Variants in GALNT17 observed in about 807,000 individuals in gnomAD.
GALNT17 encodes the protein UDP-GalNAc:polypeptide N-acetylgalactosaminyltransferase-like 3.
A neutral mutation model predicts 63.7 loss-of-function variants in GALNT17; 29 were observed. The ratio of observed to expected loss-of-function variants is 0.46; its 90% confidence interval spans 0.34 to 0.62. GALNT17 has a LOEUF of 0.62. GALNT17 is among the 20% of genes least tolerant of loss of function. The probability of loss-of-function intolerance (pLI) is 0.01; values close to 1 mark genes in which losing one functional copy is unlikely to be tolerated. For missense variants in GALNT17, 603 were observed against 799.6 expected, an observed-to-expected ratio of 0.75 and a Z score of 2.97; for synonymous variants, 305 against 318.3, an observed-to-expected ratio of 0.96 and a Z score of 0.45.
intron 6 of GALNT17, among the ~76,000 whole-genome samples, chr7:71,616,748 ATTATAT>A (rs369129398): frequency 0.11 from 11,030 of 103,886 alleles, 522 homozygotes; most frequent in African/African-American, 0.15. Context: ...TACATTATAT[ATTATAT>A]TTATATGTTA....
chr7:71,274,451 A>T (rs1222127659), intron 1 of GALNT17, among the ~76,000 whole-genome samples: 3 of 151,988 alleles, frequency 2.0e-5, no homozygotes, highest in East Asian at 3.9e-4. Flanking sequence ...GGCCAATTTT[A>T]AAATTTTTTG....
intron 1 of GALNT17, among the ~76,000 whole-genome samples, chr7:71,141,352 G>A (rs1040523907): frequency 1.3e-5 from 2 of 151,402 alleles, no homozygotes; most frequent in Non-Finnish European, 2.9e-5. Flanking sequence ...GGGAGTCTGG[G>A]CGACAGAGCA....
chr7:71,424,861 A>G (rs546159660), intron 5 of GALNT17, among the ~76,000 whole-genome samples: 1 of 152,352 alleles, frequency 6.6e-6, no homozygotes, highest in South Asian at 2.1e-4. Context: ...TCATCATCCA[A>G]ATGGTGTTAG....
intron 2 of GALNT17, among the ~76,000 whole-genome samples, chr7:71,381,940 G>A (rs535778574): frequency 6.6e-6 from 1 of 152,270 alleles, no homozygotes; most frequent in South Asian, 2.1e-4. Context: ...CTAGAGCTGG[G>A]GTCCTTCAGC....
At chr7:71,495,127 C>G (rs1267903558) in intron 5 of GALNT17, among the ~76,000 whole-genome samples, 1 of 151,998 alleles carries the variant, frequency 6.6e-6, no homozygotes, top group African/African-American at 2.4e-5. Flanking sequence ...AATACAGAAA[C>G]TAGCTGGGCA....
chr7:71,560,049 C>T (rs1789228843), intron 5 of GALNT17, among the ~76,000 whole-genome samples: 1 of 151,586 alleles, frequency 6.6e-6, no homozygotes, highest in African/African-American at 2.4e-5. Flanking sequence ...AAAAAATTAG[C>T]TGGGTGTAGT....
chr7:71,248,953 A>G (rs896217418), intron 1 of GALNT17, among the ~76,000 whole-genome samples: 1 of 134,418 alleles, frequency 7.4e-6, no homozygotes, highest in Non-Finnish European at 1.6e-5. Context: ...ATCTTTCTAG[A>G]TATGTTGTAA....
chr7:71,581,978 C>T (rs139894390), intron 6 of GALNT17, among the ~76,000 whole-genome samples: 1,729 of 152,062 alleles, frequency 0.011, 12 homozygotes, highest in Non-Finnish European at 0.018. Flanking sequence ...CTTAGAGGAG[C>T]GAGGACATAG....
chr7:71,482,175 A>T (rs1434206480), intron 5 of GALNT17, among the ~76,000 whole-genome samples: 2 of 132,054 alleles, frequency 1.5e-5, no homozygotes, highest in Admixed American at 1.7e-4. Flanking sequence ...TTTGAGACGG[A>T]GTCTCGCTCT....
intron 5 of GALNT17, among the ~76,000 whole-genome samples, chr7:71,532,660 C>T (rs774398448): frequency 2.6e-5 from 4 of 152,108 alleles, no homozygotes; most frequent in Non-Finnish European, 4.4e-5. Context: ...TGCTATGAGG[C>T]GCTCCCATAC....
chr7:71,287,701 T>C (rs1305835421), intron 1 of GALNT17, among the ~76,000 whole-genome samples: 5 of 152,174 alleles, frequency 3.3e-5, no homozygotes, highest in Non-Finnish European at 7.3e-5. Flanking sequence ...TTATATGTAT[T>C]ATATGCTGTG....
At chr7:71,207,894 C>A (rs1789302852) in intron 1 of GALNT17, among the ~76,000 whole-genome samples, 1 of 151,816 alleles carries the variant, frequency 6.6e-6, no homozygotes. Context: ...CTGATGTATA[C>A]AAGCAATGAG....
intron 1 of GALNT17, among the ~76,000 whole-genome samples, chr7:71,301,868 C>A (rs530417802): frequency 9.2e-5 from 14 of 152,294 alleles, no homozygotes; most frequent in African/African-American, 3.4e-4. Context: ...TAGGCGGTTT[C>A]TGCTTTATAT....
chr7:71,637,421 C>T (rs1790543025), intron 6 of GALNT17, among the ~76,000 whole-genome samples: 1 of 151,608 alleles, frequency 6.6e-6, no homozygotes, highest in South Asian at 2.1e-4. Context: ...GATCTCCTGA[C>T]CTCGTGATCC....
At chr7:71,595,660 G>GACACACACACACACAC (rs61389262) in intron 6 of GALNT17, among the ~76,000 whole-genome samples, 2 of 142,694 alleles carry the variant, frequency 1.4e-5, no homozygotes, top group Non-Finnish European at 3.1e-5. Flanking sequence ...GAGAGACTGA[G>GACACACACACACACAC]ACACACACAC....
chr7:71,695,436 C>T (rs1419127306), intron 9 of GALNT17, among the ~76,000 whole-genome samples: 1 of 152,194 alleles, frequency 6.6e-6, no homozygotes, highest in African/African-American at 2.4e-5. Flanking sequence ...GGGACCATCC[C>T]AGCCCCCAGG....
At chr7:71,678,523 T>A (rs992994196) in intron 9 of GALNT17, among the ~76,000 whole-genome samples, 1 of 151,482 alleles carries the variant, frequency 6.6e-6, no homozygotes, top group Non-Finnish European at 1.5e-5. Context: ...GTTGGCCAGG[T>A]GCGGTGGCTC....
intron 6 of GALNT17, among the ~76,000 whole-genome samples, chr7:71,634,979 C>T (rs949010554): frequency 1.3e-5 from 2 of 151,758 alleles, no homozygotes; most frequent in African/African-American, 2.4e-5. Flanking sequence ...GAGGCTGAGG[C>T]GGGTGGATCA....
At chr7:71,259,572 A>T (rs1478545399) in intron 1 of GALNT17, among the ~76,000 whole-genome samples, 2 of 151,850 alleles carry the variant, frequency 1.3e-5, no homozygotes, top group Non-Finnish European at 1.5e-5. Flanking sequence ...AAGAGAGGGG[A>T]CATAAGCCAA....
Sources: allele counts gnomAD v4.1 joint callset (sites outside exome capture counted in the v4.1 genomes callset), GRCh38; gene constraint gnomAD v4.1.1; transcripts MANE v1.5; gene names NCBI Gene and HGNC (gene_info 2026-07-23, HGNC 2026-07-21).